CC2D2A: variants seen among roughly 807,000 people sequenced by gnomAD.
CC2D2A encodes the protein coiled-coil and C2 domain-containing protein 2A.
Under a neutral mutation model 212.9 loss-of-function variants are expected in CC2D2A, and 155 were observed. That is an observed-to-expected ratio of 0.73 (90% confidence interval 0.64 to 0.83). CC2D2A has a LOEUF of 0.83. CC2D2A is among the 40% of genes least tolerant of loss of function. CC2D2A has a pLI of 0.00. For synonymous variants in CC2D2A, 667 were observed against 686.5 expected (o/e 0.97, Z 0.44); for missense variants, 1,856 against 1,956.2 (o/e 0.95, Z 0.97).
chr4:15,533,480 G>A (rs957167303), intron 14 of CC2D2A, 147 bp downstream of exon 14: 14 of 511,394 alleles, frequency 2.7e-5, no homozygotes, highest in African/African-American at 2.4e-4. Context: ...GCATACCTGA[G>A]CAGCCCCTCC....
intron 6 of CC2D2A, among the ~76,000 whole-genome samples, chr4:15,504,157 A>G (rs1382968066): frequency 6.6e-6 from 1 of 152,184 alleles, no homozygotes; most frequent in Non-Finnish European, 1.5e-5. Flanking sequence ...GTGTTATAAA[A>G]TGTTACCTAT....
intron 18 of CC2D2A, among the ~76,000 whole-genome samples, 185 bp from the exon 19 acceptor site, chr4:15,552,973 C>T (rs775583828): frequency 1.3e-5 from 2 of 152,234 alleles, no homozygotes; most frequent in Non-Finnish European, 2.9e-5. Context: ...CCATCAGAGA[C>T]AGAGCTGAGC....
chr4:15,534,084 G>C lies in CC2D2A; in HGVS notation c.1607+751G>C, dbSNP rs113756144. Among the ~76,000 whole-genome samples the C allele has an allele frequency of 5.1e-3, 775 of 152,270 alleles. 2 individuals carry two copies. The highest frequency in any genetic ancestry group is 7.2e-3 in the Non-Finnish European group (492 of 68,016). On this transcript the variant is annotated intron_variant, in intron 14 of 36. Transcript: ENST00000424120. Reference sequence around the variant, plus strand: ...TTTTCCTGACTATTCATGAAGGTGAGCATTTTTTCATACATGCATTGACTA... The same window carrying C: ...TTTTCCTGACTATTCATGAAGGTGACCATTTTTTCATACATGCATTGACTA...
chr4:15,502,778 A>G (rs374256856), intron 5 of CC2D2A, 44 bp from the exon 6 acceptor site: 15 of 1,495,660 alleles, frequency 1.0e-5, no homozygotes, highest in African/African-American at 1.4e-5. Context: ...ATTTCTCGGC[A>G]TTCCTGACAT....
At chr4:15,554,921 A>G in intron 19 of CC2D2A, 151 bp from the exon 20 acceptor site, 1 of 756,536 alleles carries the variant, frequency 1.3e-6, no homozygotes, top group Admixed American at 2.8e-5. Flanking sequence ...ATCATCATGT[A>G]AAGAAAAATG....
intron 20 of CC2D2A, among the ~76,000 whole-genome samples, chr4:15,556,740 ACTTGGCCTTCTTGAGACAATGCACAGGGG>A (rs1166582740): frequency 6.6e-6 from 1 of 152,196 alleles, no homozygotes. Flanking sequence ...GAGGTGCCAG[ACTTGGCCTTCTTGAGACAATGCACAGGGG>A]CCTTGGAGGC....
At chr4:15,542,281 G>A (rs899998062) in intron 17 of CC2D2A, among the ~76,000 whole-genome samples, 14 of 151,994 alleles carry the variant, frequency 9.2e-5, no homozygotes, top group East Asian at 3.9e-4. Flanking sequence ...TTGTTCTTTC[G>A]GTGACTCTTC....
At chr4:15,594,667 TTC>T (rs1387914885) in intron 33 of CC2D2A, among the ~76,000 whole-genome samples, 5 of 152,204 alleles carry the variant, frequency 3.3e-5, no homozygotes, top group Admixed American at 2.0e-4. Flanking sequence ...AGTGTATTTT[TTC>T]TCTTTTAGTG....
At chr4:15,574,456 C>A (rs1720308594) in intron 29 of CC2D2A, 130 bp downstream of exon 29, 2 of 684,328 alleles carry the variant, frequency 2.9e-6, no homozygotes, top group African/African-American at 1.8e-5. Flanking sequence ...ATTTATTATT[C>A]TTTCAGTTTA....
intron 29 of CC2D2A, among the ~76,000 whole-genome samples, chr4:15,577,327 T>C (rs1720458650): frequency 6.6e-6 from 1 of 152,164 alleles, no homozygotes; most frequent in Non-Finnish European, 1.5e-5. Flanking sequence ...CATACACCCA[T>C]TCAGTTTTTT....
chr4:15,500,112 T>C (rs765518279), intron 4 of CC2D2A, among the ~76,000 whole-genome samples: 24 of 48,894 alleles, frequency 4.9e-4, no homozygotes, highest in African/African-American at 1.7e-3. Context: ...TGTGTGTATA[T>C]ATATATATAT....
At chr4:15,478,977 G>C (rs531616003) in intron 3 of CC2D2A, among the ~76,000 whole-genome samples, 171 bp downstream of exon 3, 37 of 152,258 alleles carry the variant, frequency 2.4e-4, no homozygotes, top group African/African-American at 8.9e-4. Context: ...CCAGGGTGCA[G>C]GAGCCTGATT....
At position 15,475,900 on chromosome 4, in the gene CC2D2A, A is replaced by G; in HGVS notation, c.-18-15A>G. 1 of 1,563,370 alleles carries G rather than the reference A, an allele frequency of 6.4e-7. No homozygotes were observed. Among genetic ancestry groups the G allele is most frequent in the Non-Finnish European group, 8.7e-7 (1 of 1,149,982 alleles). The stretch of plus-strand genomic sequence containing the variant: ...TGATTTCAAAATGCCTGACTTCTTC[A>G]TTGTTCTTTGTCAGGGACCCATCCC... On this transcript the variant is annotated splice_polypyrimidine_tract_variant and intron_variant, in intron 1 of 36. Transcript: ENST00000424120.
intron 32 of CC2D2A, among the ~76,000 whole-genome samples, chr4:15,589,240 T>G (rs1335469779): frequency 6.6e-6 from 1 of 152,216 alleles, no homozygotes; most frequent in Non-Finnish European, 1.5e-5. Context: ...AAAACGCCAG[T>G]GACTGCTTAT....
chr4:15,478,159 C>T (rs931163843), intron 2 of CC2D2A, among the ~76,000 whole-genome samples: 7 of 152,224 alleles, frequency 4.6e-5, no homozygotes, highest in Non-Finnish European at 5.9e-5. Flanking sequence ...AAAGAGGAAA[C>T]GAAGTTTGCG....
intron 1 of CC2D2A, among the ~76,000 whole-genome samples, chr4:15,472,146 C>T (rs558576022): frequency 2.6e-5 from 4 of 152,162 alleles, no homozygotes; most frequent in East Asian, 1.9e-4. Flanking sequence ...AGGGAGGACT[C>T]AGGAATCACA....
At chr4:15,570,827 G>A (rs1720129269) in intron 28 of CC2D2A, among the ~76,000 whole-genome samples, 1 of 152,186 alleles carries the variant, frequency 6.6e-6, no homozygotes, top group Non-Finnish European at 1.5e-5. Context: ...GGCAGAGGTT[G>A]CAGTGAGCCA....
At chr4:15,512,235 C>G (rs748814107) in intron 8 of CC2D2A, among the ~76,000 whole-genome samples, 24 of 152,136 alleles carry the variant, frequency 1.6e-4, no homozygotes, top group Non-Finnish European at 2.9e-4. Flanking sequence ...ACACTGAAGA[C>G]AAGAATTTGA....
At position 15,527,515 on chromosome 4, in the gene CC2D2A, G is replaced by C; in HGVS notation, c.1218G>C (p.Leu406=). 2 of 1,613,592 alleles carry C rather than the reference G, an allele frequency of 1.2e-6. No homozygotes were observed. Among genetic ancestry groups the C allele is most frequent in the Non-Finnish European group, 1.7e-6 (2 of 1,179,668 alleles). The stretch of plus-strand genomic sequence containing the variant: ...GAGACCCTCCTGGAAATTTCCAACT[G>C]GACATTGATATTTCAGGGTTAATCT... ...RSGDPPGNFQ[L]DIDISGLIFT... Residue 406 remains leucine (L), a synonymous_variant, in exon 12 of 37, where the codon CTG becomes CTC. Transcript: ENST00000424120.
Sources: gnomAD v4.1 joint callset for allele counts (sites outside exome capture counted in the v4.1 genomes callset) on GRCh38, gnomAD v4.1.1 for gene constraint, MANE v1.5 for transcripts, NCBI Gene and HGNC (gene_info 2026-07-23, HGNC 2026-07-21) for gene names.